The following ITPKB variants were observed in gnomAD, a reference collection of about 807,000 sequenced individuals.
The protein encoded by ITPKB is inositol-trisphosphate 3-kinase B.
In ITPKB, 13 loss-of-function variants were observed where a neutral mutation model predicts 69.4. The ratio of observed to expected loss-of-function variants is 0.19; its 90% CI spans 0.12 to 0.30. The LOEUF is 0.30. ITPKB is among the 10% of genes least tolerant of loss of function. The pLI is 1.00. For missense variants in ITPKB, 1,240 were observed against 1,250.5 expected, an observed-to-expected ratio of 0.99 and a Z score of 0.13; for synonymous variants, 584 against 513.7, an observed-to-expected ratio of 1.14 and a Z score of -1.85.
At chr1:226,725,789 C>T (rs1209613558) in intron 2 of ITPKB, among the ~76,000 whole-genome samples, 4 of 152,230 alleles carry the variant, frequency 2.6e-5, no homozygotes, top group East Asian at 3.8e-4. Context: ...GATGGTCACA[C>T]AGGCAAGAGG....
At chr1:226,696,318 CGTGTGTGT>C (rs58448161) in intron 2 of ITPKB, among the ~76,000 whole-genome samples, 3 of 149,808 alleles carry the variant, frequency 2.0e-5, no homozygotes, top group Admixed American at 1.3e-4. Flanking sequence ...TATAGATCTA[CGTGTGTGT>C]GTGTGTGTGT....
intron 2 of ITPKB, among the ~76,000 whole-genome samples, chr1:226,711,443 G>GTT (rs1491256859): frequency 1.0e-3 from 62 of 60,794 alleles, no homozygotes; most frequent in Admixed American, 8.2e-3. Flanking sequence ...GAGAGAGAGA[G>GTT]TGTGTGTGTG....
At chr1:226,663,617 C>T (rs1431381397) in intron 2 of ITPKB, among the ~76,000 whole-genome samples, 1 of 152,022 alleles carries the variant, frequency 6.6e-6, no homozygotes, top group African/African-American at 2.4e-5. Flanking sequence ...GCTCAAGCAA[C>T]CCAGCAATCC....
At chr1:226,658,477 C>T (rs765841386) in intron 2 of ITPKB, among the ~76,000 whole-genome samples, 19 of 152,272 alleles carry the variant, frequency 1.2e-4, no homozygotes, top group East Asian at 1.9e-4. Context: ...CACCAAGGAT[C>T]GGAAAAATTA....
rs188512949 is a variant in ITPKB at position 226,716,911 on chromosome 1, C to G, written c.1932+18616G>C. 2.0e-5 allele frequency among the ~76,000 whole-genome samples: 3 copies of G among 152,298 alleles called. No homozygotes were observed. In the East Asian group the frequency reaches 5.8e-4, roughly 29 times the overall value. ...CTTTAAGCCCATATAGAAAACAATA[C>G]TTTCTTTGTGATAGATTGTTTATAC... On this transcript the variant is annotated intron_variant, in intron 2 of 7. Transcript: ENST00000429204.
intron 2 of ITPKB, among the ~76,000 whole-genome samples, chr1:226,723,937 C>T (rs898810174): frequency 2.6e-5 from 4 of 152,158 alleles, no homozygotes; most frequent in African/African-American, 9.7e-5. Context: ...GTTTTGTCAT[C>T]ATCTTCGACA....
intron 2 of ITPKB, among the ~76,000 whole-genome samples, chr1:226,686,743 C>T (rs1558085452): frequency 6.6e-6 from 1 of 152,190 alleles, no homozygotes; most frequent in Non-Finnish European, 1.5e-5. Context: ...TGCACAATGT[C>T]GAAAAAGGAC....
At position 226,736,272 on chromosome 1, in the gene ITPKB, G is replaced by A. The variant is rs745954165; in HGVS notation, c.1187C>T (p.Thr396Met). 7.2e-5 allele frequency: 114 copies of A among 1,584,970 alleles called. No homozygotes were observed. In the Admixed American group the frequency reaches 2.0e-3, roughly 28 times the overall value. Residue 396 changes from threonine (T) to methionine (M), a missense_variant, in exon 2 of 8, where the codon ACG becomes ATG. By Grantham distance (81) the Thr-to-Met change is moderately conservative. This residue lies in a region of ITPKB where 992 missense variants were observed against 853.8 expected (regional missense o/e 1.16). Transcript: ENST00000429204. The part of the protein sequence containing the change: ...EPEVGKRPEE[T>M]TVSVQSAESS... ...CTCTGCGCTTTGCACGCTCACAGTC[G>A]TCTCCTCTGGCCTTTTGCCCACTTC...
At chr1:226,731,291 AT>A (rs1657581994) in intron 2 of ITPKB, among the ~76,000 whole-genome samples, 1 of 152,230 alleles carries the variant, frequency 6.6e-6, no homozygotes, top group Non-Finnish European at 1.5e-5. Flanking sequence ...CACCAGACTA[AT>A]TATTAATGAT....
chr1:226,632,176 C>T lies in ITPKB; in HGVS notation c.*2495G>A, dbSNP rs966495733. On this transcript the variant is annotated 3_prime_UTR_variant, in exon 8 of 8. Coordinates refer to ENST00000429204, the MANE Select transcript of ITPKB (RefSeq NM_002221.4). ...AAAGCAAGCAGTTGAAGAAACCTTCCGAGAATGCTAAGCAGTGCTGAATGC... is the reference window on the plus strand; with the variant it reads ...AAAGCAAGCAGTTGAAGAAACCTTCTGAGAATGCTAAGCAGTGCTGAATGC... 5 of 152,634 alleles carry T rather than the reference C, an allele frequency of 3.3e-5. No homozygotes were observed. The highest frequency in any genetic ancestry group is 9.6e-5 in the African/African-American group (4 of 41,454). 9.5% of individuals were successfully genotyped at this position (152,634 alleles called of 1,614,324 possible).
rs370012551 is a variant in ITPKB, at chr1:226,647,151, G to A, written c.2246+16C>T. On this transcript the variant is annotated intron_variant, in intron 4 of 7. Coordinates refer to ENST00000429204, the MANE Select transcript of ITPKB (RefSeq NM_002221.4). ...GCACTGAGGCAGGCATGTGGGCTGCGAGAAGCCTGGCTCACCTGATTCCCA... is the reference window on the plus strand; with the variant it reads ...GCACTGAGGCAGGCATGTGGGCTGCAAGAAGCCTGGCTCACCTGATTCCCA... 1.2e-4 allele frequency: 192 copies of A among 1,612,014 alleles called. 1 individual carries two copies. Among genetic ancestry groups the A allele is most frequent in the African/African-American group, 1.1e-3 (81 of 75,000 alleles).
In ITPKB at chr1:226,639,633, T is replaced by G; in HGVS notation, c.2477A>C (p.Asp826Ala). Reference sequence around the variant, plus strand: ...CTCCCTCGTTTTGGTCTTCTTGAAGTCCCGGTTCACGGTGCCGTCTTCTTT... The same window carrying G: ...CTCCCTCGTTTTGGTCTTCTTGAAGGCCCGGTTCACGGTGCCGTCTTCTTT... Reference protein sequence around the residue: ...IKKEDGTVNRDFKKTKTREQV... With the variant: ...IKKEDGTVNRAFKKTKTREQV... The change falls in exon 6 of 8, where the codon GAC becomes GCC. Residue 826 changes from aspartate to alanine, a missense_variant. Coordinates refer to ENST00000429204, the MANE Select transcript of ITPKB (RefSeq NM_002221.4). 6.2e-7 allele frequency: 1 copy of G among 1,613,672 alleles called. No individual in the cohort carries two copies. The highest frequency in any genetic ancestry group is 8.5e-7 in the Non-Finnish European group (1 of 1,179,592).
chr1:226,656,104 A>C, intron 2 of ITPKB, among the ~76,000 whole-genome samples: 1 of 152,182 alleles, frequency 6.6e-6, no homozygotes, highest in Non-Finnish European at 1.5e-5. Flanking sequence ...TGTGTATTTT[A>C]AAATGCAACC....
chr1:226,703,552 G>T (rs1046977286), intron 2 of ITPKB, among the ~76,000 whole-genome samples: 1 of 152,138 alleles, frequency 6.6e-6, no homozygotes, highest in Non-Finnish European at 1.5e-5. Context: ...CCCACGCGCG[G>T]AAGCCCGCGG....
In ITPKB at chr1:226,671,386, T is replaced by C. The variant is rs138205044; in HGVS notation, c.1933-22615A>G. Among the ~76,000 whole-genome samples, 256 of 152,318 alleles carry C rather than the reference T, an allele frequency of 1.7e-3. 2 individuals carry two copies. Among genetic ancestry groups the C allele is most frequent in the African/African-American group, 6.0e-3 (249 of 41,564 alleles). The stretch of plus-strand genomic sequence containing the variant: ...CCATCTTTGTACTCCTTGCTACAAA[T>C]GTGATGCCAAGTAAAAGAACCCAAT... On this transcript the variant is annotated intron_variant, in intron 2 of 7. Coordinates refer to ENST00000429204, the MANE Select transcript of ITPKB (RefSeq NM_002221.4).
intron 2 of ITPKB, among the ~76,000 whole-genome samples, chr1:226,674,514 G>C (rs2102769018): frequency 6.6e-6 from 1 of 152,022 alleles, no homozygotes; most frequent in East Asian, 1.9e-4. Context: ...TGTATTTTTA[G>C]TTAGAGACGG....
At chr1:226,682,164 T>TA (rs1558084286) in intron 2 of ITPKB, among the ~76,000 whole-genome samples, 1 of 150,698 alleles carries the variant, frequency 6.6e-6, no homozygotes, top group South Asian at 2.1e-4. Context: ...GTTGCCTGGG[T>TA]CCCCCCCCGC....
chr1:226,652,667 G>A (rs558365185), intron 2 of ITPKB, among the ~76,000 whole-genome samples: 5 of 152,294 alleles, frequency 3.3e-5, no homozygotes, highest in Middle Eastern at 3.4e-3. Context: ...TGTGGCAAAG[G>A]GTACCTGGTC....
At position 226,737,501 on chromosome 1, in the gene ITPKB, TG is replaced by T; in HGVS notation, c.-44del. 1 of 1,473,008 alleles carries T rather than the reference TG, an allele frequency of 6.8e-7. No individual in the cohort carries two copies. The highest frequency in any genetic ancestry group is 9.0e-7 in the Non-Finnish European group (1 of 1,114,542). The allele number at this position is 1,473,008 out of a possible 1,614,324, so 91.2% of individuals were successfully genotyped here. A position where few individuals can be genotyped will look rare whatever the true frequency, so the allele number is the denominator to read the frequency against. ...TGCCCGCCGCCGCGGCTCCCGCTCC[TG>T]CTCCGCCGCCGGCGCCTCCTCCTCC... On this transcript the variant is annotated 5_prime_UTR_variant, in exon 2 of 8. Transcript: ENST00000429204.
Sources: gnomAD v4.1 joint callset for allele counts (sites outside exome capture counted in the v4.1 genomes callset) on GRCh38, gnomAD v4.1.1 for gene constraint, gnomAD v4.1.1 regional missense constraint, MANE v1.5 for transcripts, NCBI Gene and HGNC (gene_info 2026-07-23, HGNC 2026-07-21) for gene names.